The following SLC4A4 variants were observed in gnomAD, a reference collection of about 807,000 sequenced individuals.
The protein encoded by SLC4A4 is electrogenic sodium bicarbonate cotransporter 1.
A neutral mutation model predicts 111.5 loss-of-function variants in SLC4A4; 27 were observed. The observed-to-expected ratio is 0.24, with a 90% confidence interval of 0.18 to 0.33. SLC4A4 has a LOEUF of 0.33. Among genes scored for constraint, SLC4A4 ranks in the 10% least tolerant of loss-of-function variants. SLC4A4 has a pLI of 1.00. For missense variants in SLC4A4, 909 were observed against 1,315.5 expected, an observed-to-expected ratio of 0.69 and a Z score of 4.78; for synonymous variants, 443 against 463.4, an observed-to-expected ratio of 0.96 and a Z score of 0.57.
At chr4:71,510,916 C>T (rs1354785732) in intron 16 of SLC4A4, among the ~76,000 whole-genome samples, 2 of 152,066 alleles carry the variant, frequency 1.3e-5, no homozygotes, top group Non-Finnish European at 2.9e-5. Context: ...ATGAGGCTTA[C>T]ATAAAACATC....
At chr4:71,227,391 T>C (rs1719120978) in intron 1 of SLC4A4, among the ~76,000 whole-genome samples, 1 of 152,098 alleles carries the variant, frequency 6.6e-6, no homozygotes, top group South Asian at 2.1e-4. Flanking sequence ...CAAAGTGTGT[T>C]TTATAAATGG....
intron 8 of SLC4A4, 96 bp downstream of exon 8, chr4:71,440,869 G>A: frequency 2.2e-6 from 3 of 1,372,264 alleles, no homozygotes; most frequent in Non-Finnish European, 3.1e-6. Context: ...AATATTTAGT[G>A]CAAACACATT....
chr4:71,137,184 A>G (rs1454018897), intron 2 of SLC4A4, among the ~76,000 whole-genome samples: 1 of 152,110 alleles, frequency 6.6e-6, no homozygotes, highest in Non-Finnish European at 1.5e-5. Context: ...AAGCCGAGAG[A>G]CATCTGCCCG....
intron 3 of SLC4A4, among the ~76,000 whole-genome samples, chr4:71,269,200 A>T (rs1290338037): frequency 6.6e-6 from 1 of 152,196 alleles, no homozygotes; most frequent in Non-Finnish European, 1.5e-5. Context: ...TCCATTATTC[A>T]TTTCTCCAAA....
intron 16 of SLC4A4, among the ~76,000 whole-genome samples, chr4:71,508,717 C>T (rs567322899): frequency 1.3e-5 from 2 of 152,268 alleles, no homozygotes; most frequent in Admixed American, 6.5e-5. Context: ...TGAAACTATT[C>T]CATAAATTAA....
At chr4:71,166,999 AC>A (rs1169240566) in intron 2 of SLC4A4, among the ~76,000 whole-genome samples, 2 of 152,148 alleles carry the variant, frequency 1.3e-5, no homozygotes, top group Non-Finnish European at 2.9e-5. Flanking sequence ...TTAGTAACTT[AC>A]AACAATAAGC....
At chr4:71,442,695 G>A (rs1040318397) in intron 8 of SLC4A4, among the ~76,000 whole-genome samples, 2 of 152,158 alleles carry the variant, frequency 1.3e-5, no homozygotes, top group Non-Finnish European at 2.9e-5. Flanking sequence ...GTGTTTGTGT[G>A]TATCTTTTTA....
chr4:71,352,101 A>T (rs1729893888), intron 5 of SLC4A4, among the ~76,000 whole-genome samples: 1 of 152,166 alleles, frequency 6.6e-6, no homozygotes, highest in Non-Finnish European at 1.5e-5. Flanking sequence ...GTCTTTTTTC[A>T]TTCATTAAAA....
chr4:71,239,028 G>C (rs966517574), intron 2 of SLC4A4, among the ~76,000 whole-genome samples: 1 of 152,146 alleles, frequency 6.6e-6, no homozygotes, highest in Non-Finnish European at 1.5e-5. Flanking sequence ...TAATTGCATA[G>C]AGAAGAGTGT....
Position 71,466,582 on chromosome 4 carries a change from G to A in SLC4A4, c.1631+5G>A, listed in dbSNP as rs1439253566. On this transcript the variant is annotated splice_donor_5th_base_variant and intron_variant, in intron 13 of 25. Transcript: ENST00000264485. Reference sequence around the variant, plus strand: ...GCTTCTATTTAATTTCAGCAAGTATGTACATACATATTTAATTGCAAATTA... The same window carrying A: ...GCTTCTATTTAATTTCAGCAAGTATATACATACATATTTAATTGCAAATTA... 6.2e-6 allele frequency: 10 copies of A among 1,612,718 alleles called. No homozygotes were observed. The highest frequency in any genetic ancestry group is 8.5e-6 in the Non-Finnish European group (10 of 1,179,188).
At chr4:71,166,510 G>A (rs1477164005) in intron 2 of SLC4A4, among the ~76,000 whole-genome samples, 1 of 152,122 alleles carries the variant, frequency 6.6e-6, no homozygotes, top group East Asian at 1.9e-4. Context: ...CCAATGCCCT[G>A]TTTGGCATAC....
intron 2 of SLC4A4, among the ~76,000 whole-genome samples, chr4:71,139,117 G>T (rs1323368965): frequency 2.0e-5 from 3 of 151,470 alleles, no homozygotes; most frequent in Non-Finnish European, 4.4e-5. Flanking sequence ...AACCACAAGG[G>T]ATCATTCGGT....
intron 2 of SLC4A4, among the ~76,000 whole-genome samples, chr4:71,113,700 C>G (rs560178397): frequency 6.6e-6 from 1 of 151,980 alleles, no homozygotes; most frequent in African/African-American, 2.4e-5. Flanking sequence ...TGAGATTCAC[C>G]GGGTTAGGGG....
rs146301912 is a variant in SLC4A4, at chr4:71,132,981, C to T, written c.-2+40189C>T. 1.4e-3 allele frequency among the ~76,000 whole-genome samples: 208 copies of T among 152,238 alleles called. 3 individuals carry two copies. Among genetic ancestry groups the T allele is most frequent in the Middle Eastern group, 0.01 (3 of 294 alleles). On this transcript the variant is annotated intron_variant, in intron 2 of 26. Transcript: ENST00000649996. ...GGTGGGAACTAGCAAGCCCCTAACACGATAGGAGTTGACAAGCCTACAGAC... is the reference window on the plus strand; with the variant it reads ...GGTGGGAACTAGCAAGCCCCTAACATGATAGGAGTTGACAAGCCTACAGAC...
intron 16 of SLC4A4, among the ~76,000 whole-genome samples, chr4:71,500,556 G>T (rs1432667081): frequency 1.3e-5 from 2 of 152,038 alleles, no homozygotes; most frequent in Non-Finnish European, 2.9e-5. Context: ...TCCTGACCTC[G>T]TGACCCACTC....
At chr4:71,190,368 T>G (rs916509754) in intron 1 of SLC4A4, among the ~76,000 whole-genome samples, 2 of 146,974 alleles carry the variant, frequency 1.4e-5, no homozygotes, top group Non-Finnish European at 3.0e-5. Flanking sequence ...CTTTACTCAG[T>G]TCTGTCTATG....
chr4:71,290,651 C>T (rs1354637618), intron 3 of SLC4A4, among the ~76,000 whole-genome samples: 1 of 152,136 alleles, frequency 6.6e-6, no homozygotes, highest in Admixed American at 6.5e-5. Context: ...GACTGGGTAT[C>T]TGGGTTTTCA....
intron 6 of SLC4A4, among the ~76,000 whole-genome samples, chr4:71,358,301 C>T (rs1331446456): frequency 6.9e-6 from 1 of 144,072 alleles, no homozygotes; most frequent in Middle Eastern, 3.5e-3. Context: ...GGCTACAGAG[C>T]GAGACTCCGT....
At position 71,194,577 on chromosome 4, in the gene SLC4A4, C is replaced by T. The variant is rs528896794; in HGVS notation, c.-2+7176C>T. On this transcript the variant is annotated intron_variant, in intron 1 of 25. Coordinates refer to ENST00000264485, the MANE Select transcript of SLC4A4 (RefSeq NM_001098484.3). ...TCTAAGAGCCAGCAGTTTGAGATCA[C>T]CCATTTCTATATAGTTCATATTGAA... Among the ~76,000 whole-genome samples the T allele has an allele frequency of 1.2e-4, 19 of 152,224 alleles. No homozygotes were observed. In the South Asian group the frequency reaches 3.7e-3, roughly 30 times the overall value.
Sources: gnomAD v4.1 joint callset for allele counts (sites outside exome capture counted in the v4.1 genomes callset) on GRCh38, gnomAD v4.1.1 for gene constraint, MANE v1.5 for transcripts, NCBI Gene and HGNC (gene_info 2026-07-23, HGNC 2026-07-21) for gene names.